Variants in GPC5 observed in about 807,000 individuals in gnomAD.
GPC5 encodes glypican-5.
Under a neutral mutation model 53.9 loss-of-function variants are expected in GPC5, and 47 were observed. That is an observed-to-expected ratio of 0.87 (90% confidence interval 0.69 to 1.11). GPC5 has a LOEUF of 1.11. Among genes scored for constraint, GPC5 ranks in the 50% most tolerant of loss-of-function variants. GPC5 has a pLI of 0.00. For missense variants in GPC5, 748 were observed against 713.1 expected (o/e 1.05, Z -0.56); for synonymous variants, 286 against 263.3 (o/e 1.09, Z -0.84).
Position 91,494,765 on chromosome 13 carries a change from G to T in GPC5, c.325+45843G>T, listed in dbSNP as rs939717954. On this transcript the variant is annotated intron_variant, in intron 2 of 7. Transcript: ENST00000377067. ...TGACTTCCAGGATACTAAAGTTCTTGCTTTTTCTCCCCCCTTATTGACTGC... is the reference window on the plus strand; with the variant it reads ...TGACTTCCAGGATACTAAAGTTCTTTCTTTTTCTCCCCCCTTATTGACTGC... Among the ~76,000 whole-genome samples the T allele has an allele frequency of 3.9e-5, 6 of 152,208 alleles. No homozygotes were observed. The East Asian group carries it at 1.2e-3, about 29-fold the overall frequency.
intron 7 of GPC5, among the ~76,000 whole-genome samples, chr13:92,829,879 T>G (rs1295967597): frequency 6.6e-6 from 1 of 152,136 alleles, no homozygotes; most frequent in Non-Finnish European, 1.5e-5. Context: ...CTAAGCAGTA[T>G]AAAAGTAGTG....
intron 7 of GPC5, among the ~76,000 whole-genome samples, chr13:92,208,830 A>T (rs1267161656): frequency 1.3e-5 from 2 of 152,230 alleles, no homozygotes; most frequent in Non-Finnish European, 2.9e-5. Flanking sequence ...AACATAATTT[A>T]TAGATCTGTT....
intron 5 of GPC5, among the ~76,000 whole-genome samples, chr13:91,827,767 G>A (rs1354976848): frequency 6.6e-6 from 1 of 151,992 alleles, no homozygotes; most frequent in Non-Finnish European, 1.5e-5. Flanking sequence ...AATCACTTTG[G>A]AATGTGTTTT....
At chr13:92,159,478 G>C (rs184234635) in intron 7 of GPC5, among the ~76,000 whole-genome samples, 2 of 151,382 alleles carry the variant, frequency 1.3e-5, no homozygotes, top group African/African-American at 4.9e-5. Context: ...CAACATTCCC[G>C]TTGTCCATTT....
At chr13:92,422,507 CACACACACACACACACACACACACAA>C (rs1876618658) in intron 7 of GPC5, among the ~76,000 whole-genome samples, 4 of 146,852 alleles carry the variant, frequency 2.7e-5, no homozygotes, top group Admixed American at 2.7e-4. Flanking sequence ...CACACACACA[CACACACACACACACACACACACACAA>C]CTTCTTGGAA....
chr13:92,325,563 G>T (rs1361988998), intron 7 of GPC5, among the ~76,000 whole-genome samples: 2 of 152,040 alleles, frequency 1.3e-5, no homozygotes, highest in Admixed American at 6.6e-5. Context: ...GAGAAACAGA[G>T]AAGACATGGT....
At chr13:91,548,848 G>A (rs559862028) in intron 2 of GPC5, among the ~76,000 whole-genome samples, 19 of 152,178 alleles carry the variant, frequency 1.2e-4, no homozygotes, top group Non-Finnish European at 8.8e-5. Context: ...ATACAAAGGA[G>A]CAAAGATAGT....
chr13:92,761,189 A>C (rs1282944846), intron 7 of GPC5, among the ~76,000 whole-genome samples: 2 of 152,134 alleles, frequency 1.3e-5, no homozygotes, highest in African/African-American at 4.8e-5. Flanking sequence ...GCAGATTCTC[A>C]CTGTGTTGCT....
chr13:92,034,354 T>C (rs968955432), intron 6 of GPC5, among the ~76,000 whole-genome samples: 2 of 151,864 alleles, frequency 1.3e-5, no homozygotes, highest in Admixed American at 6.6e-5. Context: ...AAAAATTAGC[T>C]CAGCATGGTG....
intron 7 of GPC5, among the ~76,000 whole-genome samples, chr13:92,559,561 C>T (rs1165167157): frequency 1.3e-5 from 2 of 151,626 alleles, no homozygotes; most frequent in Non-Finnish European, 2.9e-5. Context: ...CTGGCTCTTA[C>T]ACTCCAACAG....
chr13:91,688,813 G>C (rs963574613), intron 2 of GPC5, among the ~76,000 whole-genome samples: 1 of 151,884 alleles, frequency 6.6e-6, no homozygotes, highest in Non-Finnish European at 1.5e-5. Context: ...AATACTCTAG[G>C]CGTTTGTAAT....
intron 7 of GPC5, among the ~76,000 whole-genome samples, chr13:92,843,350 T>C (rs532448925): frequency 2.0e-5 from 3 of 152,198 alleles, no homozygotes; most frequent in Non-Finnish European, 2.9e-5. Context: ...CAAATATTTA[T>C]TAAATTGAAT....
At chr13:92,465,467 C>T (rs888165823) in intron 7 of GPC5, among the ~76,000 whole-genome samples, 2 of 151,908 alleles carry the variant, frequency 1.3e-5, no homozygotes, top group Admixed American at 1.3e-4. Flanking sequence ...TGACTTACAG[C>T]GTTTATAGGC....
intron 7 of GPC5, among the ~76,000 whole-genome samples, chr13:92,642,705 G>A (rs1885634369): frequency 6.6e-6 from 1 of 152,222 alleles, no homozygotes; most frequent in Middle Eastern, 3.2e-3. Flanking sequence ...GCCGAGGGGA[G>A]CTTAAATGTT....
At chr13:92,026,415 T>G (rs2040801212) in intron 6 of GPC5, among the ~76,000 whole-genome samples, 1 of 151,504 alleles carries the variant, frequency 6.6e-6, no homozygotes, top group South Asian at 2.1e-4. Flanking sequence ...AGACCCTACT[T>G]AAAGGTATCT....
intron 6 of GPC5, among the ~76,000 whole-genome samples, chr13:91,992,459 C>CTT (rs34928600): frequency 2.2e-5 from 3 of 135,838 alleles, no homozygotes; most frequent in Non-Finnish European, 1.6e-5. Context: ...AAGCTATTTA[C>CTT]TTTTTTTTTT....
intron 7 of GPC5, among the ~76,000 whole-genome samples, chr13:92,740,892 T>G (rs1889064952): frequency 2.5e-5 from 1 of 40,438 alleles, no homozygotes; most frequent in African/African-American, 1.1e-4. Flanking sequence ...GTATATTTAT[T>G]TATTTATATA....
intron 7 of GPC5, among the ~76,000 whole-genome samples, chr13:92,618,156 T>TA (rs1242797419): frequency 1.3e-5 from 2 of 152,138 alleles, no homozygotes; most frequent in Admixed American, 6.5e-5. Context: ...AAGTAACCTA[T>TA]AAAAAATAAG....
chr13:91,546,050 A>G (rs1158574504), intron 2 of GPC5, among the ~76,000 whole-genome samples: 1 of 152,154 alleles, frequency 6.6e-6, no homozygotes, highest in Non-Finnish European at 1.5e-5. Context: ...GTAAGAGGTC[A>G]TGTTAAAATG....
Sources: gnomAD v4.1 joint callset for allele counts (sites outside exome capture counted in the v4.1 genomes callset) on GRCh38, gnomAD v4.1.1 for gene constraint, MANE v1.5 for transcripts, NCBI Gene and HGNC (gene_info 2026-07-23, HGNC 2026-07-21) for gene names.